Variants in NIF3L1 observed in about 807,000 individuals in gnomAD.
NIF3L1 encodes the protein NGG1 interacting factor 3 like 1.
NIF3L1 carries 26 observed loss-of-function variants against 35.0 expected under a neutral mutation model. The observed-to-expected ratio is 0.74, with a 90% confidence interval of 0.54 to 1.03. The LOEUF (loss-of-function observed/expected upper bound fraction) is 1.03. NIF3L1 is among the 50% of genes least tolerant of loss of function. The pLI, the probability that NIF3L1 is intolerant of heterozygous loss-of-function variation, is 0.00. For missense variants in NIF3L1, 449 were observed against 466.3 expected (o/e 0.96, Z 0.34); for synonymous variants, 157 against 178.9 (o/e 0.88, Z 0.98).
At position 200,901,789 on chromosome 2, in the gene NIF3L1, T is replaced by C. The variant is rs1287163726; in HGVS notation, c.950-1705T>C. Reference sequence around the variant, plus strand: ...ATCCTGGGCCAAGCTTTTCTTTCCATTGGCTTCAGCTATTATTGCAGGGTC... The same window carrying C: ...ATCCTGGGCCAAGCTTTTCTTTCCACTGGCTTCAGCTATTATTGCAGGGTC... On this transcript the variant is annotated intron_variant, in intron 6 of 6. Transcript: ENST00000409020. Among the ~76,000 whole-genome samples, 8 of 152,244 alleles carry C rather than the reference T, an allele frequency of 5.3e-5. No homozygotes were observed. In the South Asian group the frequency reaches 1.0e-3, roughly 20 times the overall value.
At chr2:200,897,788 CAA>C (rs2040343026) in intron 5 of NIF3L1, among the ~76,000 whole-genome samples, 1 of 152,146 alleles carries the variant, frequency 6.6e-6, no homozygotes, top group African/African-American at 2.4e-5. Context: ...CTTTTGAGAA[CAA>C]AAAGAGTGAA....
Position 200,903,854 on chromosome 2 carries a change from A to T in NIF3L1, c.*176A>T. 1 of 615,808 alleles carries T rather than the reference A, an allele frequency of 1.6e-6. No individual in the cohort carries two copies. Among genetic ancestry groups the T allele is most frequent in the Non-Finnish European group, 2.9e-6 (1 of 341,960 alleles). 38.1% of individuals were successfully genotyped at this position (615,808 alleles called of 1,614,324 possible). A position where few individuals can be genotyped will look rare whatever the true frequency, so the allele number is the denominator to read the frequency against. On this transcript the variant is annotated 3_prime_UTR_variant, in exon 7 of 7. Transcript: ENST00000409020. ...ATCGCTCGTAAGGTAAAACTGTAAT[A>T]TAACTACCATATTAAATAACAAATG...
In NIF3L1 at chr2:200,889,373, AG is replaced by A. The variant is rs1447412009; in HGVS notation, c.-305del. 10 of 294,158 alleles carry A rather than the reference AG, an allele frequency of 3.4e-5. No homozygotes were observed. The highest frequency in any genetic ancestry group is 5.4e-5 in the Non-Finnish European group (8 of 147,500). The allele number at this position is 294,158 out of a possible 1,614,324, so 18.2% of individuals were successfully genotyped here. ...GCCGACGCGGGACCGGAAGTGACGC[AG>A]AGAAGTTTCCGGGACTGGTGAGTAG... On this transcript the variant is annotated 5_prime_UTR_variant, in exon 1 of 7. Transcript: ENST00000409020.
At chr2:200,890,682 A>G (rs1030629049) in intron 1 of NIF3L1, 6 of 152,164 alleles carry the variant, frequency 3.9e-5, no homozygotes, top group African/African-American at 9.7e-5. Flanking sequence ...GTTTTTTTCT[A>G]CCTTTCCATT....
At chr2:200,896,342 G>T (rs150557429) in intron 4 of NIF3L1, among the ~76,000 whole-genome samples, 1 of 152,098 alleles carries the variant, frequency 6.6e-6, no homozygotes, top group Non-Finnish European at 1.5e-5. Context: ...TGGCACCTTT[G>T]TCCATGTCCT....
At chr2:200,901,510 T>C (rs2040409834) in intron 6 of NIF3L1, among the ~76,000 whole-genome samples, 1 of 152,226 alleles carries the variant, frequency 6.6e-6, no homozygotes, top group Admixed American at 6.5e-5. Flanking sequence ...AAATATATTA[T>C]CCGGCTAGCA....
In NIF3L1 at chr2:200,892,160, C is replaced by G; in HGVS notation, c.217C>G (p.Leu73Val). ...AAATACACTCTTCCTGACCAATGAC[C>G]TGACTGAGGAAGTGATGGAGGAGGT... ...TVNTLFLTND[L>V]TEEVMEEVLQ... Residue 73 changes from leucine to valine, a missense_variant, in exon 2 of 7, where the codon CTG (leucine) becomes GTG (valine). Transcript: ENST00000409020. 6.2e-7 allele frequency: 1 copy of G among 1,614,178 alleles called. No homozygotes were observed. The highest frequency in any genetic ancestry group is 2.2e-5 in the East Asian group (1 of 44,884).
chr2:200,895,452 T>C, intron 4 of NIF3L1, 62 bp downstream of exon 4: 3 of 1,550,550 alleles, frequency 1.9e-6, no homozygotes, highest in African/African-American at 2.7e-5. Flanking sequence ...AACAGTATAA[T>C]TGAGGTATAA....
Position 200,897,161 on chromosome 2 carries a change from G to C in NIF3L1, c.812G>C (p.Arg271Thr). 6.2e-7 allele frequency: 1 copy of C among 1,613,950 alleles called. No individual in the cohort carries two copies. Among genetic ancestry groups the C allele is most frequent in the Non-Finnish European group, 8.5e-7 (1 of 1,179,964 alleles). ...SLATMIDRIK[R>T]HLKLSHIRLA... ...GCAACCATGATTGATCGAATAAAAAGACACCTAAAACTATCTCATATTCGC... is the reference window on the plus strand; with the variant it reads ...GCAACCATGATTGATCGAATAAAAACACACCTAAAACTATCTCATATTCGC... The change falls in exon 5 of 7, where the codon AGA becomes ACA. Residue 271 changes from arginine to threonine, a missense_variant. By Grantham distance (71) the Arg-to-Thr change is moderately conservative. Coordinates refer to ENST00000409020, the MANE Select transcript of NIF3L1 (RefSeq NM_001369441.2).
chr2:200,895,481 T>G, intron 4 of NIF3L1, 91 bp downstream of exon 4: 13 of 1,274,872 alleles, frequency 1.0e-5, no homozygotes, highest in Admixed American at 1.8e-5. Context: ...CTTAGGTATA[T>G]TGAGGTATAC....
In NIF3L1 at chr2:200,892,003, C is replaced by G; in HGVS notation, c.60C>G (p.Ile20Met). The change falls in exon 2 of 7, where the codon ATC (isoleucine) becomes ATG (methionine). Residue 20 changes from isoleucine to methionine, a missense_variant. By Grantham distance (10) the Ile-to-Met change is conservative. Transcript: ENST00000409020. ...PTTVRFVDSL[I>M]CNSSRSFMDL... Reference sequence around the variant, plus strand: ...CAGTCCGGTTTGTAGATTCCCTGATCTGCAATTCTTCCCGTTCCTTCATGG... The same window carrying G: ...CAGTCCGGTTTGTAGATTCCCTGATGTGCAATTCTTCCCGTTCCTTCATGG... 1 of 1,614,182 alleles carries G rather than the reference C, an allele frequency of 6.2e-7. No homozygotes were observed. The highest frequency in any genetic ancestry group is 2.2e-5 in the East Asian group (1 of 44,894).
Position 200,903,509 on chromosome 2 carries a change from A to G in NIF3L1, c.965A>G (p.His322Arg), listed in dbSNP as rs1039685980. ...DLYLTGEMSH[H>R]DTLDAASQGI... Reference sequence around the variant, plus strand: ...TTTTTGGTAGGTGAGATGTCCCATCATGATACTTTGGATGCTGCTTCCCAA... The same window carrying G: ...TTTTTGGTAGGTGAGATGTCCCATCGTGATACTTTGGATGCTGCTTCCCAA... Residue 322 changes from histidine (H) to arginine (R), a missense_variant, in exon 7 of 7, where the codon CAT becomes CGT. Coordinates refer to ENST00000409020, the MANE Select transcript of NIF3L1 (RefSeq NM_001369441.2). The G allele has an allele frequency of 1.9e-6, 3 of 1,613,620 alleles. No individual in the cohort carries two copies. The highest frequency in any genetic ancestry group is 2.7e-5 in the African/African-American group (2 of 74,924).
intron 2 of NIF3L1, 83 bp from the exon 3 acceptor site, chr2:200,893,163 G>C: frequency 2.8e-6 from 3 of 1,073,882 alleles, no homozygotes; most frequent in Non-Finnish European, 3.9e-6. Flanking sequence ...TCATTTCTTA[G>C]AAATTTTGCC....
intron 3 of NIF3L1, 134 bp downstream of exon 3, chr2:200,893,542 C>A (rs1382225157): frequency 1.2e-6 from 1 of 809,662 alleles, no homozygotes; most frequent in Non-Finnish European, 1.9e-6. Context: ...GCATACTCCT[C>A]ATTTGTTTGT....
chr2:200,897,057 AACTTCT>A lies in NIF3L1; in HGVS notation c.727-18_727-13del. On this transcript the variant is annotated splice_polypyrimidine_tract_variant and intron_variant, in intron 4 of 6. Transcript: ENST00000409020. ...AGGACTAACAATGCACACCGTTTCT[AACTTCT>A]GTTTCTCCTCAGCCTTTGCTTCTAC... is the stretch of plus-strand genomic sequence containing the variant. The A allele has an allele frequency of 2.5e-6, 4 of 1,612,468 alleles. No homozygotes were observed. Among genetic ancestry groups the A allele is most frequent in the Non-Finnish European group, 3.4e-6 (4 of 1,178,876 alleles).
Position 200,903,592 on chromosome 2 carries a change from C to T in NIF3L1, c.1048C>T (p.Leu350Phe). Residue 350 changes from leucine (L) to phenylalanine (F), a missense_variant, in exon 7 of 7, where the codon CTT becomes TTT. Leu to Phe is a conservative substitution (Grantham distance 22). Transcript: ENST00000409020. Reference protein sequence around the residue: ...SNTERGFLSDLRDMLDSHLEN... With the variant: ...SNTERGFLSDFRDMLDSHLEN... ...CACTGAACGAGGCTTTCTTTCTGAC[C>T]TTCGAGATATGCTGGATTCTCACTT... 1.2e-6 allele frequency: 2 copies of T among 1,613,822 alleles called. No homozygotes were observed. Among genetic ancestry groups the T allele is most frequent in the South Asian group, 1.1e-5 (1 of 91,068 alleles).
intron 3 of NIF3L1, among the ~76,000 whole-genome samples, chr2:200,895,003 C>T (rs1286552750): frequency 2.0e-5 from 3 of 152,140 alleles, no homozygotes; most frequent in Admixed American, 2.0e-4. Context: ...CAGACCCCCA[C>T]CTAGATATAA....
chr2:200,889,734 G>C (rs1247047661), intron 1 of NIF3L1, 82 bp downstream of exon 1: 1 of 152,428 alleles, frequency 6.6e-6, no homozygotes, highest in Non-Finnish European at 1.5e-5. Flanking sequence ...ACTCTAGGAC[G>C]GGAGTTGTTT....
chr2:200,901,760 T>C (rs2040412941), intron 6 of NIF3L1, among the ~76,000 whole-genome samples: 1 of 152,236 alleles, frequency 6.6e-6, no homozygotes, highest in Admixed American at 6.5e-5. Flanking sequence ...TTTCCCAAGC[T>C]GCCATCCTGG....
Sources: allele counts gnomAD v4.1 joint callset (sites outside exome capture counted in the v4.1 genomes callset), GRCh38; gene constraint gnomAD v4.1.1; transcripts MANE v1.5; gene names NCBI Gene and HGNC (gene_info 2026-07-23, HGNC 2026-07-21).